TACR3: variants seen among roughly 807,000 people sequenced by gnomAD.
TACR3 encodes neuromedin-K receptor.
TACR3 carries 34 observed loss-of-function variants against 35.0 expected under a neutral mutation model. That is an observed-to-expected ratio of 0.97 (90% CI 0.74 to 1.30). TACR3 has a LOEUF of 1.30. TACR3 is among the 50% of genes most tolerant of loss of function. The pLI is 0.00. For synonymous variants in TACR3, 233 were observed against 221.1 expected, an observed-to-expected ratio of 1.05 and a Z score of -0.48; for missense variants, 558 against 591.7, an observed-to-expected ratio of 0.94 and a Z score of 0.59.
chr4:103,692,468 T>C (rs933063521), intron 1 of TACR3, among the ~76,000 whole-genome samples: 5 of 152,158 alleles, frequency 3.3e-5, no homozygotes, highest in East Asian at 3.9e-4. Flanking sequence ...CACTATAACA[T>C]ACCACTCTCA....
chr4:103,610,317 A>G (rs1401666879), intron 3 of TACR3, among the ~76,000 whole-genome samples: 1 of 151,950 alleles, frequency 6.6e-6, no homozygotes, highest in African/African-American at 2.4e-5. Context: ...TAGCCATTCT[A>G]ACTGGGATGA....
At chr4:103,648,945 A>C (rs1176505088) in intron 3 of TACR3, among the ~76,000 whole-genome samples, 1 of 152,028 alleles carries the variant, frequency 6.6e-6, no homozygotes, top group African/African-American at 2.4e-5. Flanking sequence ...CCTTGCCAGG[A>C]TTTGTGATTG....
chr4:103,622,445 T>C (rs17033903), intron 3 of TACR3, among the ~76,000 whole-genome samples: 31,774 of 151,928 alleles, frequency 0.21, 3,797 homozygotes, highest in East Asian at 0.29. Flanking sequence ...TAGAAATCAG[T>C]GAAAGGCCAG....
At chr4:103,613,320 C>T (rs1193015296) in intron 3 of TACR3, among the ~76,000 whole-genome samples, 1 of 152,170 alleles carries the variant, frequency 6.6e-6, no homozygotes, top group African/African-American at 2.4e-5. Flanking sequence ...ATGAGGCTAA[C>T]CTCATAAGGT....
chr4:103,658,495 G>T, intron 1 of TACR3, 92 bp from the exon 2 acceptor site: 2 of 1,225,050 alleles, frequency 1.6e-6, no homozygotes, highest in Non-Finnish European at 2.3e-6. Context: ...CGTTTCAATA[G>T]TTACAGTCAT....
chr4:103,677,254 G>T (rs1184424082), intron 1 of TACR3, among the ~76,000 whole-genome samples: 1 of 152,170 alleles, frequency 6.6e-6, no homozygotes, highest in African/African-American at 2.4e-5. Context: ...CTTTTACACT[G>T]TTGGTAGGAG....
intron 3 of TACR3, among the ~76,000 whole-genome samples, chr4:103,593,613 G>A (rs535501749): frequency 3.3e-5 from 5 of 152,192 alleles, no homozygotes; most frequent in African/African-American, 1.2e-4. Context: ...ACTATTCCTT[G>A]AACAGGGTAG....
chr4:103,690,329 A>T (rs1439391666), intron 1 of TACR3, among the ~76,000 whole-genome samples: 1 of 152,144 alleles, frequency 6.6e-6, no homozygotes, highest in East Asian at 1.9e-4. Flanking sequence ...ATTAAATGAG[A>T]GTAAATGAGT....
intron 3 of TACR3, among the ~76,000 whole-genome samples, chr4:103,648,271 C>G (rs1325156499): frequency 6.6e-6 from 1 of 152,006 alleles, no homozygotes; most frequent in East Asian, 1.9e-4. Context: ...AAGCATTTAT[C>G]TTTTGCATTA....
chr4:103,714,567 A>T (rs1723042142), intron 1 of TACR3, among the ~76,000 whole-genome samples: 1 of 152,184 alleles, frequency 6.6e-6, no homozygotes, highest in Non-Finnish European at 1.5e-5. Context: ...TTTTGTAAAT[A>T]ATTCAAAAAT....
intron 3 of TACR3, among the ~76,000 whole-genome samples, chr4:103,650,646 A>T (rs1484845345): frequency 2.3e-4 from 18 of 77,944 alleles, no homozygotes; most frequent in Admixed American, 3.9e-4. Context: ...TATATATTTA[A>T]TATATATAAA....
At chr4:103,606,255 GTGTGATGCCTCCAGCTT>G (rs1724360032) in intron 3 of TACR3, among the ~76,000 whole-genome samples, 1 of 151,930 alleles carries the variant, frequency 6.6e-6, no homozygotes, top group Non-Finnish European at 1.5e-5. Context: ...AAGTCAGGTA[GTGTGATGCCTCCAGCTT>G]TGTTCTTTTG....
Position 103,658,358 on chromosome 4 carries a change from T to A in TACR3, c.594A>T (p.Thr198=). ...IDPLKPRLSA[T]ATKIVIGSIW... Reference sequence around the variant, plus strand: ...TACTTCCAATGACAATCTTGGTTGCTGTAGCAGACAGTCTGGGTTTCAAGG... The same window carrying A: ...TACTTCCAATGACAATCTTGGTTGCAGTAGCAGACAGTCTGGGTTTCAAGG... The change falls in exon 2 of 5, where the codon ACA becomes ACT. Residue 198 remains threonine, a synonymous_variant. Coordinates refer to ENST00000304883, the MANE Select transcript of TACR3 (RefSeq NM_001059.3). 1 of 1,613,936 alleles carries A rather than the reference T, an allele frequency of 6.2e-7. No homozygotes were observed. Among genetic ancestry groups the A allele is most frequent in the Non-Finnish European group, 8.5e-7 (1 of 1,179,940 alleles).
At chr4:103,671,069 A>G (rs1578251263) in intron 1 of TACR3, among the ~76,000 whole-genome samples, 3 of 152,096 alleles carry the variant, frequency 2.0e-5, no homozygotes, top group South Asian at 4.1e-4. Flanking sequence ...TGAAATAGTC[A>G]TCTATTTTTT....
At chr4:103,625,537 C>T (rs776445510) in intron 3 of TACR3, among the ~76,000 whole-genome samples, 4 of 151,330 alleles carry the variant, frequency 2.6e-5, no homozygotes, top group Non-Finnish European at 4.4e-5. Context: ...CCTCAATTTT[C>T]TTTCAGCTAA....
At chr4:103,679,409 G>A (rs1000440977) in intron 1 of TACR3, among the ~76,000 whole-genome samples, 1 of 151,958 alleles carries the variant, frequency 6.6e-6, no homozygotes, top group African/African-American at 2.4e-5. Context: ...AAAGTATTCT[G>A]AGGGGATCAT....
chr4:103,671,038 A>T (rs1726046825), intron 1 of TACR3, among the ~76,000 whole-genome samples: 1 of 152,022 alleles, frequency 6.6e-6, no homozygotes, highest in Non-Finnish European at 1.5e-5. Context: ...GAATTTTACC[A>T]AATGCTTTTT....
intron 1 of TACR3, among the ~76,000 whole-genome samples, chr4:103,703,715 A>G (rs2110225489): frequency 6.6e-6 from 1 of 152,268 alleles, no homozygotes; most frequent in East Asian, 1.9e-4. Context: ...AAGGGTATGC[A>G]CAATTTCTCA....
intron 3 of TACR3, among the ~76,000 whole-genome samples, chr4:103,601,747 A>G (rs1279394923): frequency 2.0e-5 from 3 of 152,200 alleles, no homozygotes; most frequent in Non-Finnish European, 4.4e-5. Context: ...GTTTCTGCTG[A>G]GAGATCAGGT....
Sources: gnomAD v4.1 joint callset for allele counts (sites outside exome capture counted in the v4.1 genomes callset) on GRCh38, gnomAD v4.1.1 for gene constraint, MANE v1.5 for transcripts, NCBI Gene and HGNC (gene_info 2026-07-23, HGNC 2026-07-21) for gene names.